The following AKT1 variants were observed in gnomAD, a reference collection of about 807,000 sequenced individuals.
AKT1 encodes AKT serine/threonine kinase 1.
AKT1 carries 21 observed loss-of-function variants against 63.1 expected under a neutral mutation model. The ratio of observed to expected loss-of-function variants is 0.33; its 90% CI spans 0.24 to 0.48. AKT1 has a LOEUF of 0.48. Ranked by LOEUF, AKT1 falls within the 20% of genes least tolerant of loss-of-function variation. The pLI is 0.99. For synonymous variants in AKT1, 257 were observed against 253.1 expected (o/e 1.02, Z -0.15); for missense variants, 382 against 666.0 (o/e 0.57, Z 4.69).
Position 104,795,369 on chromosome 14 carries a change from C to T in AKT1, c.-258+115G>A, listed in dbSNP as rs2141018441. 1 of 149,390 alleles carries T rather than the reference C, an allele frequency of 6.7e-6. No individual in the cohort carries two copies. Among genetic ancestry groups the T allele is most frequent in the African/African-American group, 2.4e-5 (1 of 41,232 alleles). The allele number at this position is 149,390 out of a possible 1,614,324, so 9.3% of individuals were successfully genotyped here. A position where few individuals can be genotyped will look rare whatever the true frequency, so the allele number is the denominator to read the frequency against. ...CGCTCGGCCACTTCCTGCTCCCGCT[C>T]CTCCATTCTGGCGGCGCCGCGGCTC... On this transcript the variant is annotated intron_variant, in intron 1 of 14. Transcript: ENST00000649815. The surrounding 1 kb of genome is among the most constrained non-coding windows in gnomAD (Gnocchi z 5.1).
Position 104,792,612 on chromosome 14 carries a change from C to A in AKT1, c.32G>T (p.Trp11Leu). Residue 11 changes from tryptophan (W) to leucine (L), a missense_variant, in exon 3 of 15, where the codon TGG (tryptophan) becomes TTG (leucine). Coordinates refer to ENST00000649815, the MANE Select transcript of AKT1 (RefSeq NM_001382430.1). MSDVAIVKEG[W>L]LHKRGEYIKT... The stretch of plus-strand genomic sequence containing the variant: ...CGGGTACTAACCTCGTTTGTGCAGC[C>A]AACCCTCCTTCACAATAGCCACGTC... 1 of 1,612,072 alleles carries A rather than the reference C, an allele frequency of 6.2e-7. No individual in the cohort carries two copies. The highest frequency in any genetic ancestry group is 8.5e-7 in the Non-Finnish European group (1 of 1,179,894).
At chr14:104,780,066 G>A (rs758839588) in intron 4 of AKT1, 22 bp downstream of exon 4, 115 of 1,609,832 alleles carry the variant, frequency 7.1e-5, no homozygotes, top group East Asian at 3.1e-4. Context: ...TCTGAATCCC[G>A]AGAGGCCAAG....
At chr14:104,789,557 C>T (rs1893519194) in intron 3 of AKT1, among the ~76,000 whole-genome samples, 1 of 152,378 alleles carries the variant, frequency 6.6e-6, no homozygotes, top group East Asian at 1.9e-4. Flanking sequence ...CAGACCTGCG[C>T]CCTGGCCCAG....
chr14:104,777,547 A>C (rs1334241618), intron 4 of AKT1: 1 of 1,010,554 alleles, frequency 9.9e-7, no homozygotes, highest in African/African-American at 1.8e-5. Context: ...CTGGGGCACA[A>C]GCACACCTGG....
chr14:104,776,395 C>T (rs1053387086), intron 5 of AKT1: 11 of 394,574 alleles, frequency 2.8e-5, no homozygotes, highest in Non-Finnish European at 5.1e-5. Flanking sequence ...GATCTGCGCA[C>T]CTCGGCCTCC....
At chr14:104,780,494 A>G (rs909414871) in intron 3 of AKT1, among the ~76,000 whole-genome samples, 1 of 152,148 alleles carries the variant, frequency 6.6e-6, no homozygotes, top group Non-Finnish European at 1.5e-5. Flanking sequence ...GGGATGGAGT[A>G]CCATGGACAG....
chr14:104,776,834 G>T, intron 4 of AKT1, 64 bp from the exon 5 acceptor site: 1 of 1,404,914 alleles, frequency 7.1e-7, no homozygotes, highest in Non-Finnish European at 9.9e-7. Flanking sequence ...CCTCACCACA[G>T]CCCCCGCTGC....
intron 3 of AKT1, 33 bp from the exon 4 acceptor site, chr14:104,780,249 ACT>A (rs750757292): frequency 3.4e-5 from 55 of 1,608,990 alleles, no homozygotes; most frequent in Admixed American, 5.0e-5. Context: ...AGCCACGCAC[ACT>A]CTACCCGTCA....
At chr14:104,791,729 GGGTGTA>G (rs1380048618) in intron 3 of AKT1, among the ~76,000 whole-genome samples, 2 of 152,256 alleles carry the variant, frequency 1.3e-5, no homozygotes, top group Non-Finnish European at 2.9e-5. Flanking sequence ...ATCTGCTAGA[GGGTGTA>G]CGTAAAGCCG....
At chr14:104,781,029 A>G (rs2498792) in intron 3 of AKT1, among the ~76,000 whole-genome samples, 146,068 of 152,324 alleles carry the variant, frequency 0.96, 70,100 homozygotes, top group East Asian at 1. Flanking sequence ...ACACGGGAAC[A>G]TTCTCCCTCA....
intron 3 of AKT1, among the ~76,000 whole-genome samples, chr14:104,784,144 C>T (rs1487089783): frequency 2.0e-5 from 3 of 152,208 alleles, no homozygotes; most frequent in Admixed American, 6.5e-5. Context: ...CAGTGGGAGG[C>T]AGCAGCTCCG....
Position 104,773,110 on chromosome 14 carries a change from G to A in AKT1, c.958-18C>T, listed in dbSNP as rs1323646546. ...TCCAGCACCTGCACGGGTGGCAGAT[G>A]GGCAGGACTCGGCATCAAGGGGTGT... On this transcript the variant is annotated intron_variant, in intron 11 of 14. Coordinates refer to ENST00000649815, the MANE Select transcript of AKT1 (RefSeq NM_001382430.1). 6.2e-7 allele frequency: 1 copy of A among 1,613,406 alleles called. No homozygotes were observed. The highest frequency in any genetic ancestry group is 1.7e-5 in the Admixed American group (1 of 60,016).
At chr14:104,792,015 A>G (rs1252675700) in intron 3 of AKT1, among the ~76,000 whole-genome samples, 1 of 152,122 alleles carries the variant, frequency 6.6e-6, no homozygotes, top group Non-Finnish European at 1.5e-5. Context: ...CTCCCATCCC[A>G]CCCAGCTGCT....
intron 3 of AKT1, among the ~76,000 whole-genome samples, chr14:104,787,488 GC>G (rs1477989110): frequency 1.3e-5 from 2 of 152,220 alleles, no homozygotes; most frequent in Non-Finnish European, 2.9e-5. Flanking sequence ...CTATGGGAGG[GC>G]CCGAGGGCAG....
chr14:104,783,934 C>A (rs1893204501), intron 3 of AKT1, among the ~76,000 whole-genome samples: 1 of 152,214 alleles, frequency 6.6e-6, no homozygotes, highest in African/African-American at 2.4e-5. Flanking sequence ...ATGGGGGACC[C>A]CACACCACTG....
rs377076374 is a variant in AKT1 at position 104,776,775 on chromosome 14, G to C, written c.176-5C>G. On this transcript the variant is annotated splice_region_variant and splice_polypyrimidine_tract_variant and intron_variant, in intron 4 of 14. Coordinates refer to ENST00000649815, the MANE Select transcript of AKT1 (RefSeq NM_001382430.1). Reference sequence around the variant, plus strand: ...CCGTCTTCATCAGCTGGCACTCTGCGGGCAGGCAGAGCCTCTGTCTGCGTG... The same window carrying C: ...CCGTCTTCATCAGCTGGCACTCTGCCGGCAGGCAGAGCCTCTGTCTGCGTG... 3.1e-6 allele frequency: 5 copies of C among 1,611,302 alleles called. No individual in the cohort carries two copies. In the African/African-American group the frequency reaches 5.3e-5, roughly 17 times the overall value.
At chr14:104,774,469 T>G in intron 8 of AKT1, 1 of 223,306 alleles carries the variant, frequency 4.5e-6, no homozygotes, top group Non-Finnish European at 8.9e-6. Flanking sequence ...CACAGGCGAC[T>G]GTGCTTTTAA....
chr14:104,792,558 C>A, intron 3 of AKT1, 40 bp downstream of exon 3: 1 of 1,610,502 alleles, frequency 6.2e-7, no homozygotes, highest in Non-Finnish European at 8.5e-7. Flanking sequence ...CTACCCCCAT[C>A]TCTCCCTCCC....
chr14:104,785,960 A>G (rs1460105515), intron 3 of AKT1, among the ~76,000 whole-genome samples: 2 of 151,910 alleles, frequency 1.3e-5, no homozygotes, highest in African/African-American at 4.8e-5. Context: ...TGCCCCTGAC[A>G]GACCACCTGG....
Sources: allele counts gnomAD v4.1 joint callset (sites outside exome capture counted in the v4.1 genomes callset), GRCh38; gene constraint gnomAD v4.1.1; non-coding constraint Gnocchi (gnomAD v3.1); transcripts MANE v1.5; gene names NCBI Gene and HGNC (gene_info 2026-07-23, HGNC 2026-07-21).